The following CNTNAP4 variants were observed in gnomAD, a reference collection of about 807,000 sequenced individuals.
The protein encoded by CNTNAP4 is contactin-associated protein-like 4.
In CNTNAP4, 98 loss-of-function variants were observed where a neutral mutation model predicts 148.4. The ratio of observed to expected loss-of-function variants is 0.66; its 90% CI spans 0.56 to 0.78. The LOEUF (loss-of-function observed/expected upper bound fraction) is 0.78, where lower values mean the gene tolerates loss of function less well. Among genes scored for constraint, CNTNAP4 ranks in the 30% least tolerant of loss-of-function variants. CNTNAP4 has a pLI of 0.00. For missense variants in CNTNAP4, 1,935 were observed against 1,565.6 expected (o/e 1.24, Z -3.98); for synonymous variants, 730 against 565.1 (o/e 1.29, Z -4.14).
chr16:76,477,683 C>T (rs2143637469), intron 11 of CNTNAP4, among the ~76,000 whole-genome samples: 1 of 152,262 alleles, frequency 6.6e-6, no homozygotes, highest in East Asian at 1.9e-4. Flanking sequence ...CACACCTCAC[C>T]TGTACTTGCA....
intron 12 of CNTNAP4, among the ~76,000 whole-genome samples, chr16:76,487,249 G>C (rs1341108549): frequency 6.6e-6 from 1 of 152,160 alleles, no homozygotes; most frequent in Non-Finnish European, 1.5e-5. Context: ...ACAATGTGTT[G>C]TTTTTATTCA....
At chr16:76,365,932 T>A (rs2144587405) in intron 3 of CNTNAP4, among the ~76,000 whole-genome samples, 1 of 152,198 alleles carries the variant, frequency 6.6e-6, no homozygotes, top group Middle Eastern at 3.4e-3. Context: ...GAATCCAAAC[T>A]AGATTAGATT....
chr16:76,427,538 T>A lies in CNTNAP4; in HGVS notation c.477T>A (p.Pro159=). The A allele has an allele frequency of 6.2e-7, 1 of 1,613,152 alleles. No individual in the cohort carries two copies. Among genetic ancestry groups the A allele is most frequent in the African/African-American group, 1.3e-5 (1 of 75,012 alleles). Residue 159 remains proline (P), a synonymous_variant, in exon 4 of 24, where the codon CCT becomes CCA. Coordinates refer to ENST00000611870, the MANE Select transcript of CNTNAP4 (RefSeq NM_033401.5). ...SIKARFLRFI[P]LEWNPKGRIG... ...AAGCCAGATTTCTGCGCTTCATCCC[T>A]TTGGAATGGAACCCCAAGGGCAGAA... is the stretch of plus-strand genomic sequence containing the variant.
intron 3 of CNTNAP4, among the ~76,000 whole-genome samples, chr16:76,386,841 C>CACCA (rs2016556768): frequency 6.6e-6 from 1 of 152,152 alleles, no homozygotes; most frequent in East Asian, 1.9e-4. Context: ...CCAGTGTAAT[C>CACCA]ACCAAGGGCC....
At chr16:76,299,536 C>T (rs993933362) in intron 1 of CNTNAP4, among the ~76,000 whole-genome samples, 2 of 152,138 alleles carry the variant, frequency 1.3e-5, no homozygotes, top group East Asian at 1.9e-4. Flanking sequence ...AACACTTTTA[C>T]ACTGTTGGTG....
At chr16:76,384,575 T>G (rs1189098595) in intron 3 of CNTNAP4, among the ~76,000 whole-genome samples, 1 of 151,784 alleles carries the variant, frequency 6.6e-6, no homozygotes, top group African/African-American at 2.4e-5. Context: ...ACTTGGAGAG[T>G]GTGGGATGGA....
chr16:76,433,660 C>G (rs762679810), intron 4 of CNTNAP4, among the ~76,000 whole-genome samples: 6 of 152,016 alleles, frequency 3.9e-5, no homozygotes, highest in South Asian at 2.1e-4. Flanking sequence ...ATTCAGGATG[C>G]TAATCTCTCA....
chr16:76,474,533 C>G (rs573779399), intron 10 of CNTNAP4, among the ~76,000 whole-genome samples: 5 of 152,200 alleles, frequency 3.3e-5, no homozygotes, highest in African/African-American at 1.2e-4. Flanking sequence ...ACGGGAAGTT[C>G]TCATCCTTAG....
intron 15 of CNTNAP4, among the ~76,000 whole-genome samples, chr16:76,508,785 C>G (rs1395990197): frequency 1.2e-5 from 1 of 80,362 alleles, no homozygotes; most frequent in Non-Finnish European, 3.5e-5. Flanking sequence ...TGGAGTCTCA[C>G]TGTGTCGCCC....
At chr16:76,464,363 A>G (rs937061324) in intron 9 of CNTNAP4, among the ~76,000 whole-genome samples, 1 of 152,162 alleles carries the variant, frequency 6.6e-6, no homozygotes, top group African/African-American at 2.4e-5. Context: ...CCTGGCTGGT[A>G]CAGGCAGTGG....
At chr16:76,342,465 C>CTTTTTTTTTTTTTTT (rs397854943) in intron 2 of CNTNAP4, among the ~76,000 whole-genome samples, 1 of 91,490 alleles carries the variant, frequency 1.1e-5, no homozygotes, top group Non-Finnish European at 2.0e-5. Context: ...TTGCTAATTT[C>CTTTTTTTTTTTTTTT]TTTTTTTTTT....
At chr16:76,509,793 T>C (rs1281119041) in intron 15 of CNTNAP4, among the ~76,000 whole-genome samples, 1 of 96,888 alleles carries the variant, frequency 1.0e-5, no homozygotes, top group African/African-American at 2.6e-5. Context: ...GCTTTTTATT[T>C]TGATTAATTT....
chr16:76,468,480 A>G (rs1348822525), intron 10 of CNTNAP4, among the ~76,000 whole-genome samples: 3 of 151,944 alleles, frequency 2.0e-5, no homozygotes, highest in African/African-American at 7.2e-5. Flanking sequence ...GCTCAAAATA[A>G]ATAAATAAAT....
intron 2 of CNTNAP4, among the ~76,000 whole-genome samples, chr16:76,318,872 G>C (rs1378143477): frequency 3.3e-5 from 5 of 151,706 alleles, no homozygotes; most frequent in African/African-American, 1.2e-4. Flanking sequence ...GTTCAGCCAA[G>C]TCTGCAGTCA....
At chr16:76,385,587 G>A (rs1217468496) in intron 3 of CNTNAP4, among the ~76,000 whole-genome samples, 2 of 151,520 alleles carry the variant, frequency 1.3e-5, no homozygotes, top group African/African-American at 2.4e-5. Context: ...TAGAGAGAGT[G>A]AGTTGATTCT....
At chr16:76,399,908 C>G (rs929123509) in intron 3 of CNTNAP4, among the ~76,000 whole-genome samples, 1 of 152,152 alleles carries the variant, frequency 6.6e-6, no homozygotes, top group Non-Finnish European at 1.5e-5. Context: ...AATATTCCAT[C>G]AAGTACATGT....
chr16:76,427,502 G>A lies in CNTNAP4; in HGVS notation c.441G>A (p.Gln147=). Residue 147 remains glutamine (Q), a synonymous_variant, in exon 4 of 24, where the codon CAG becomes CAA. Coordinates refer to ENST00000611870, the MANE Select transcript of CNTNAP4 (RefSeq NM_033401.5). ...ACAGTGTTGTGTACTATAGACTCCAGCCTTCTATCAAAGCCAGATTTCTGC... is the reference window on the plus strand; with the variant it reads ...ACAGTGTTGTGTACTATAGACTCCAACCTTCTATCAAAGCCAGATTTCTGC... ...NADSVVYYRL[Q]PSIKARFLRF... The A allele has an allele frequency of 1.2e-6, 2 of 1,613,282 alleles. No individual in the cohort carries two copies. Among genetic ancestry groups the A allele is most frequent in the Non-Finnish European group, 1.7e-6 (2 of 1,179,484 alleles).
intron 12 of CNTNAP4, among the ~76,000 whole-genome samples, chr16:76,484,811 A>C (rs1410367058): frequency 6.6e-6 from 1 of 152,218 alleles, no homozygotes; most frequent in East Asian, 1.9e-4. Flanking sequence ...CTAGTTATAT[A>C]GATCAGGTAT....
intron 1 of CNTNAP4, among the ~76,000 whole-genome samples, chr16:76,303,390 T>C (rs572081387): frequency 6.6e-6 from 1 of 152,328 alleles, no homozygotes; most frequent in Admixed American, 6.5e-5. Flanking sequence ...GGAACATTTG[T>C]TCAGTGATGT....
Sources: gnomAD v4.1 joint callset for allele counts (sites outside exome capture counted in the v4.1 genomes callset) on GRCh38, gnomAD v4.1.1 for gene constraint, MANE v1.5 for transcripts, NCBI Gene and HGNC (gene_info 2026-07-23, HGNC 2026-07-21) for gene names.